Variants in RASGEF1A observed in about 807,000 individuals in gnomAD.
RASGEF1A encodes the protein RasGEF domain family member 1A.
In RASGEF1A, 18 loss-of-function variants were observed where a neutral mutation model predicts 56.4. The ratio of observed to expected loss-of-function variants is 0.32; its 90% CI spans 0.22 to 0.47. RASGEF1A has a LOEUF of 0.47. RASGEF1A is among the 20% of genes least tolerant of loss of function. The pLI is 1.00. For missense variants in RASGEF1A, 422 were observed against 627.1 expected (o/e 0.67, Z 3.49); for synonymous variants, 245 against 242.6 (o/e 1.01, Z -0.09).
chr10:43,224,439 G>T (rs1302881333), intron 1 of RASGEF1A, among the ~76,000 whole-genome samples: 1 of 152,142 alleles, frequency 6.6e-6, no homozygotes, highest in Non-Finnish European at 1.5e-5. Flanking sequence ...TTTATTCCAG[G>T]AACAAGAGGA....
At chr10:43,232,181 T>C (rs994245258) in intron 1 of RASGEF1A, among the ~76,000 whole-genome samples, 1 of 152,324 alleles carries the variant, frequency 6.6e-6, no homozygotes, top group East Asian at 1.9e-4. Flanking sequence ...GTGTTGGAGG[T>C]TGGAGGCGAT....
intron 1 of RASGEF1A, among the ~76,000 whole-genome samples, chr10:43,225,222 C>CTG (rs1217599144): frequency 3.4e-4 from 21 of 61,218 alleles, no homozygotes; most frequent in Non-Finnish European, 5.2e-4. Context: ...CTGCATGTGT[C>CTG]TGTGTGTGTG....
chr10:43,229,897 C>G (rs1840339419), intron 1 of RASGEF1A, among the ~76,000 whole-genome samples: 1 of 151,946 alleles, frequency 6.6e-6, no homozygotes, highest in Admixed American at 6.6e-5. Flanking sequence ...AGGCTAGGAG[C>G]ATGGCGCGGA....
At chr10:43,236,604 C>G (rs547847617) in intron 1 of RASGEF1A, among the ~76,000 whole-genome samples, 1 of 152,246 alleles carries the variant, frequency 6.6e-6, no homozygotes, top group African/African-American at 2.4e-5. Flanking sequence ...CTCCTCTTCT[C>G]TCCATTTAGC....
At chr10:43,238,092 GGGGCGGA>G (rs1017872683) in intron 1 of RASGEF1A, among the ~76,000 whole-genome samples, 143 of 131,380 alleles carry the variant, frequency 1.1e-3, no homozygotes, top group African/African-American at 4.0e-3. Context: ...CCGCCTTTGG[GGGGCGGA>G]GGGAGGGGGG....
In RASGEF1A at chr10:43,251,931, C is replaced by T. The variant is rs570603445; in HGVS notation, c.-7+14914G>A. Among the ~76,000 whole-genome samples the T allele has an allele frequency of 2.2e-4, 34 of 152,314 alleles. No individual in the cohort carries two copies. The South Asian group carries it at 6.6e-3, about 30-fold the overall frequency. On this transcript the variant is annotated intron_variant, in intron 1 of 12. Coordinates refer to ENST00000395810, the MANE Select transcript of RASGEF1A (RefSeq NM_145313.4). Reference sequence around the variant, plus strand: ...AGGTGCTGTGCCACAGGGAGTCTCCCCAACAAGACGGACCCCTGGTGATGC... The same window carrying T: ...AGGTGCTGTGCCACAGGGAGTCTCCTCAACAAGACGGACCCCTGGTGATGC...
chr10:43,261,417 T>C (rs1448659259), intron 1 of RASGEF1A, among the ~76,000 whole-genome samples: 1 of 152,204 alleles, frequency 6.6e-6, no homozygotes, highest in Non-Finnish European at 1.5e-5. Context: ...CAATGGACAG[T>C]GTGGGCAGGA....
chr10:43,224,544 T>C (rs1176670914), intron 1 of RASGEF1A, among the ~76,000 whole-genome samples: 1 of 152,220 alleles, frequency 6.6e-6, no homozygotes, highest in African/African-American at 2.4e-5. Context: ...AAGCCTTTGA[T>C]GAAACTGAAT....
rs1840019054 is a variant in RASGEF1A at position 43,207,942 on chromosome 10, C to T, written c.-6-1820G>A. On this transcript the variant is annotated intron_variant, in intron 1 of 12. Transcript: ENST00000395810. ...GGTGTCACCACCTCCAGGAAGCCTCCCTGGGTTTAACCTAGACTGTTGACC... is the reference window on the plus strand; with the variant it reads ...GGTGTCACCACCTCCAGGAAGCCTCTCTGGGTTTAACCTAGACTGTTGACC... 3.8e-6 allele frequency: 3 copies of T among 783,486 alleles called. No homozygotes were observed. The South Asian group carries it at 1.7e-4, about 45-fold the overall frequency. The allele number at this position is 783,486 out of a possible 1,614,324, so 48.5% of individuals were successfully genotyped here.
At chr10:43,244,305 T>C (rs1175019477) in intron 1 of RASGEF1A, among the ~76,000 whole-genome samples, 1 of 141,636 alleles carries the variant, frequency 7.1e-6, no homozygotes, top group East Asian at 1.9e-4. Flanking sequence ...CTCGTGTTTA[T>C]CTGCTGACCT....
intron 10 of RASGEF1A, 147 bp from the exon 11 acceptor site, chr10:43,197,246 C>T (rs1484252793): frequency 5.2e-6 from 5 of 956,298 alleles, no homozygotes; most frequent in Admixed American, 4.8e-5. Flanking sequence ...ACGCTGACCC[C>T]GTGGCCATGG....
rs944102502 is a variant in RASGEF1A, at chr10:43,196,063, A to T, written c.*181T>A. 1.8e-6 allele frequency: 1 copy of T among 551,228 alleles called. No homozygotes were observed. The highest frequency in any genetic ancestry group is 3.4e-5 in the Admixed American group (1 of 29,512). The allele number at this position is 551,228 out of a possible 1,614,324, so 34.1% of individuals were successfully genotyped here. ...GGCCCTGCCCTGTTATTTAAAATAA[A>T]CAAAAAAAACTTTGTAAGTGCCAAA... is the stretch of plus-strand genomic sequence containing the variant. On this transcript the variant is annotated 3_prime_UTR_variant, in exon 13 of 13. Coordinates refer to ENST00000395810, the MANE Select transcript of RASGEF1A (RefSeq NM_145313.4). This position sits in a 1 kb window ranked among gnomAD's most constrained non-coding sequence, Gnocchi z 4.6.
At chr10:43,224,232 T>C (rs1260094950) in intron 1 of RASGEF1A, among the ~76,000 whole-genome samples, 1 of 152,224 alleles carries the variant, frequency 6.6e-6, no homozygotes, top group Admixed American at 6.5e-5. Context: ...ACAATTCATA[T>C]TGAAAAGCCT....
chr10:43,251,417 G>A (rs942014867), intron 1 of RASGEF1A, among the ~76,000 whole-genome samples: 3 of 152,172 alleles, frequency 2.0e-5, no homozygotes, highest in Non-Finnish European at 4.4e-5. Context: ...GAGTCCCCTA[G>A]GAGGCACAAA....
In RASGEF1A at chr10:43,206,030, G is replaced by T; in HGVS notation, c.87C>A (p.Gly29=). 1 of 1,610,238 alleles carries T rather than the reference G, an allele frequency of 6.2e-7. No homozygotes were observed. The highest frequency in any genetic ancestry group is 1.1e-5 in the South Asian group (1 of 90,426). ...QVQPGMGERG[G]GAGGGSGDLI... The stretch of plus-strand genomic sequence containing the variant: ...GGTCCCCGGAGCCGCCACCGGCCCC[G>T]CCTCCACGCTCCCCCATGCCAGGCT... The change falls in exon 2 of 13, where the codon GGC becomes GGA. Residue 29 remains glycine, a synonymous_variant. Coordinates refer to ENST00000395810, the MANE Select transcript of RASGEF1A (RefSeq NM_145313.4).
intron 6 of RASGEF1A, 36 bp downstream of exon 6, chr10:43,200,146 G>A (rs1839869779): frequency 6.5e-7 from 1 of 1,534,234 alleles, no homozygotes; most frequent in Non-Finnish European, 8.9e-7. Context: ...GGGCAGACAG[G>A]GCTGGCAGGG....
chr10:43,244,241 A>AGGGAATTCTCAAATTTACTT (rs1554828593), intron 1 of RASGEF1A, among the ~76,000 whole-genome samples: 7 of 151,768 alleles, frequency 4.6e-5, no homozygotes, highest in African/African-American at 4.8e-5. Flanking sequence ...CAGGGACACA[A>AGGGAATTCTCAAATTTACTT]ACAGGGCCGA....
intron 1 of RASGEF1A, among the ~76,000 whole-genome samples, chr10:43,214,558 A>C (rs1422873263): frequency 6.6e-6 from 1 of 152,122 alleles, no homozygotes; most frequent in Non-Finnish European, 1.5e-5. Context: ...CTCCAACACC[A>C]CCAGCCCCAC....
At chr10:43,213,510 C>T (rs1840095176) in intron 1 of RASGEF1A, among the ~76,000 whole-genome samples, 1 of 152,150 alleles carries the variant, frequency 6.6e-6, no homozygotes, top group African/African-American at 2.4e-5. Flanking sequence ...AGAGGAGGGA[C>T]CCTATGTAGC....
Sources: gnomAD v4.1 joint callset for allele counts (sites outside exome capture counted in the v4.1 genomes callset) on GRCh38, gnomAD v4.1.1 for gene constraint, Gnocchi (gnomAD v3.1) non-coding constraint, MANE v1.5 for transcripts, NCBI Gene and HGNC (gene_info 2026-07-23, HGNC 2026-07-21) for gene names.